Variants in SRGAP2 observed in about 807,000 individuals in gnomAD.
The protein encoded by SRGAP2 is SLIT-ROBO Rho GTPase-activating protein 2.
SRGAP2 carries 15 observed loss-of-function variants against 57.2 expected under a neutral mutation model. The observed-to-expected ratio is 0.26, with a 90% CI of 0.18 to 0.40. The LOEUF (loss-of-function observed/expected upper bound fraction) is 0.40, where lower values mean the gene tolerates loss of function less well. SRGAP2 is among the 10% of genes least tolerant of loss of function. SRGAP2 has a pLI of 1.00. For missense variants in SRGAP2, 520 were observed against 669.6 expected, an observed-to-expected ratio of 0.78 and a Z score of 2.47; for synonymous variants, 249 against 248.0, an observed-to-expected ratio of 1.00 and a Z score of -0.04.
intron 11 of SRGAP2, among the ~76,000 whole-genome samples, chr1:206,416,550 G>A (rs1173381463): frequency 6.6e-6 from 1 of 152,308 alleles, no homozygotes; most frequent in East Asian, 1.9e-4. Context: ...GGACTGTCTT[G>A]TCTCATAGAA....
At chr1:206,459,063 C>G (rs782810264) in intron 22 of SRGAP2, 116 bp downstream of exon 22, 1 of 625,736 alleles carries the variant, frequency 1.6e-6, no homozygotes, top group Non-Finnish European at 2.9e-6. Context: ...ATGTGATATA[C>G]TGAGTATATG....
At position 206,356,832 on chromosome 1, in the gene SRGAP2, A is replaced by G. The variant is rs1181367919; in HGVS notation, c.423+13824A>G. On this transcript the variant is annotated intron_variant, in intron 4 of 22. Coordinates refer to ENST00000573034, the MANE Select transcript of SRGAP2 (RefSeq NM_015326.5). The stretch of plus-strand genomic sequence containing the variant: ...CTTTCTCTGGTCTTTTAGTTTTTCT[A>G]CTAGATCCTACCTTTCTTTGCTTTT... Among the ~76,000 whole-genome samples the G allele has an allele frequency of 2.2e-4, 31 of 143,694 alleles. 1 individual carries two copies. Among genetic ancestry groups the G allele is most frequent in the African/African-American group, 8.0e-4 (30 of 37,714 alleles). 94.3% of individuals were successfully genotyped at this position (143,694 alleles called of 152,430 possible). A position where few individuals can be genotyped will look rare whatever the true frequency, so the allele number is the denominator to read the frequency against.
intron 12 of SRGAP2, 37 bp downstream of exon 12, chr1:206,419,437 A>AGGG (rs1553363510): frequency 1.3e-6 from 1 of 780,602 alleles, no homozygotes; most frequent in South Asian, 1.3e-5. Flanking sequence ...GAAGTGATAG[A>AGGG]GGCTTGGTGG....
chr1:206,245,024 A>G (rs1230926959), intron 2 of SRGAP2, among the ~76,000 whole-genome samples: 2 of 143,710 alleles, frequency 1.4e-5, no homozygotes, highest in East Asian at 4.4e-4. Flanking sequence ...GTCATGCCAC[A>G]TCATTGCTGC....
rs1249058411 is a variant in SRGAP2 at position 206,253,598 on chromosome 1, C to T, written c.67+47561C>T. On this transcript the variant is annotated intron_variant, in intron 2 of 22. Transcript: ENST00000573034. ...CTTTTTTTTTTTTTTTTTTTTGAGG[C>T]GGAGTCTCACTCCGTCCCCCAGGCT... is the stretch of plus-strand genomic sequence containing the variant. Among the ~76,000 whole-genome samples, 664 of 93,328 alleles carry T rather than the reference C, an allele frequency of 7.1e-3. 9 individuals carry two copies. The highest frequency in any genetic ancestry group is 0.027 in the African/African-American group (628 of 23,668). The allele number at this position is 93,328 out of a possible 152,430, so 61.2% of individuals were successfully genotyped here.
chr1:206,446,408 C>T (rs1455497897), intron 18 of SRGAP2, 109 bp downstream of exon 18: 3 of 714,786 alleles, frequency 4.2e-6, no homozygotes, highest in South Asian at 3.1e-5. Context: ...CCTCCCAACT[C>T]CTCACTCCCA....
Position 206,401,855 on chromosome 1 carries a change from G to A in SRGAP2, c.1056+210G>A, listed in dbSNP as rs1309527842. Among the ~76,000 whole-genome samples the A allele has an allele frequency of 2.6e-5, 4 of 152,262 alleles. No homozygotes were observed. The East Asian group carries it at 5.8e-4, about 22-fold the overall frequency. On this transcript the variant is annotated intron_variant, in intron 8 of 22. Transcript: ENST00000573034. ...TTGGGTGCAGACATGGGGGATTAAA[G>A]CCCTCAGGGAGCTTACAGTCTGGGG... is the stretch of plus-strand genomic sequence containing the variant.
chr1:206,281,624 G>A (rs1670739847), intron 2 of SRGAP2, among the ~76,000 whole-genome samples: 1 of 111,386 alleles, frequency 9.0e-6, no homozygotes, highest in Non-Finnish European at 1.7e-5. Flanking sequence ...CTTGAGGTCA[G>A]GAGTTTGAGA....
At chr1:206,460,091 A>C (rs1553379924) in intron 22 of SRGAP2, among the ~76,000 whole-genome samples, 2 of 152,230 alleles carry the variant, frequency 1.3e-5, no homozygotes, top group East Asian at 3.8e-4. Flanking sequence ...AATCACTGTG[A>C]ACAGAAAGCA....
At chr1:206,443,784 A>G (rs1662515245) in intron 17 of SRGAP2, among the ~76,000 whole-genome samples, 1 of 151,634 alleles carries the variant, frequency 6.6e-6, no homozygotes, top group Non-Finnish European at 1.5e-5. Flanking sequence ...GACATTTTAC[A>G]CAAAACTGTG....
chr1:206,436,351 CTT>C (rs558991193), intron 14 of SRGAP2, among the ~76,000 whole-genome samples: 2 of 144,320 alleles, frequency 1.4e-5, no homozygotes, highest in African/African-American at 2.5e-5. Flanking sequence ...ATTTCCCATT[CTT>C]TTTTTTTTTT....
intron 5 of SRGAP2, among the ~76,000 whole-genome samples, chr1:206,385,755 A>G (rs1390328335): frequency 1.3e-5 from 2 of 152,160 alleles, no homozygotes; most frequent in Non-Finnish European, 2.9e-5. Flanking sequence ...CCGAGCTGCT[A>G]CCTCTGACTG....
chr1:206,228,447 A>G lies in SRGAP2; in HGVS notation c.67+22410A>G, dbSNP rs1667412614. 2.0e-5 allele frequency among the ~76,000 whole-genome samples: 3 copies of G among 151,906 alleles called. No individual in the cohort carries two copies. The South Asian group carries it at 6.2e-4, about 32-fold the overall frequency. On this transcript the variant is annotated intron_variant, in intron 2 of 22. Coordinates refer to ENST00000573034, the MANE Select transcript of SRGAP2 (RefSeq NM_015326.5). ...ATACACCCTATCAGCAAATTAATTGAAGGCTGCCTCTAGATTGTTAGGTGT... is the reference window on the plus strand; with the variant it reads ...ATACACCCTATCAGCAAATTAATTGGAGGCTGCCTCTAGATTGTTAGGTGT...
At chr1:206,248,364 T>C (rs1668628745) in intron 2 of SRGAP2, among the ~76,000 whole-genome samples, 1 of 152,126 alleles carries the variant, frequency 6.6e-6, no homozygotes, top group African/African-American at 2.4e-5. Context: ...TTGTTCAGAT[T>C]CTTAGCTGTA....
chr1:206,451,575 GA>G (rs879986961), intron 19 of SRGAP2, among the ~76,000 whole-genome samples: 54 of 138,774 alleles, frequency 3.9e-4, no homozygotes, highest in Middle Eastern at 3.7e-3. Flanking sequence ...TTTCAAAGGA[GA>G]AAAAAAAAAA....
At chr1:206,442,814 G>A (rs953043063) in intron 17 of SRGAP2, among the ~76,000 whole-genome samples, 3 of 152,188 alleles carry the variant, frequency 2.0e-5, no homozygotes, top group South Asian at 2.1e-4. Flanking sequence ...GTGCACTTCC[G>A]GACAGGGGTA....
At chr1:206,360,468 G>A (rs533739372) in intron 4 of SRGAP2, among the ~76,000 whole-genome samples, 2 of 149,340 alleles carry the variant, frequency 1.3e-5, no homozygotes, top group East Asian at 2.0e-4. Context: ...GAGTGCTTTA[G>A]GAGGAGTAGG....
At chr1:206,310,232 C>A (rs1210055294) in intron 3 of SRGAP2, among the ~76,000 whole-genome samples, 1 of 151,180 alleles carries the variant, frequency 6.6e-6, no homozygotes, top group East Asian at 1.9e-4. Flanking sequence ...GGAGATAGAA[C>A]ATATGTACAA....
At chr1:206,350,533 ATCTC>A (rs1325547524) in intron 4 of SRGAP2, among the ~76,000 whole-genome samples, 1 of 151,796 alleles carries the variant, frequency 6.6e-6, no homozygotes, top group Non-Finnish European at 1.5e-5. Context: ...TTTAGTCAGA[ATCTC>A]TGGAGTAGGG....
Sources: gnomAD v4.1 joint callset for allele counts (sites outside exome capture counted in the v4.1 genomes callset) on GRCh38, gnomAD v4.1.1 for gene constraint, MANE v1.5 for transcripts, NCBI Gene and HGNC (gene_info 2026-07-23, HGNC 2026-07-21) for gene names.